RAD51B: variants seen among roughly 807,000 people sequenced by gnomAD.
RAD51B encodes RAD51 paralog B.
Under a neutral mutation model 42.2 loss-of-function variants are expected in RAD51B, and 38 were observed. The ratio of observed to expected loss-of-function variants is 0.90; its 90% CI spans 0.70 to 1.18. The LOEUF is 1.18. RAD51B is among the 50% of genes most tolerant of loss of function. RAD51B has a pLI of 0.00. For synonymous variants in RAD51B, 154 were observed against 145.2 expected (o/e 1.06, Z -0.43); for missense variants, 373 against 400.7 (o/e 0.93, Z 0.59).
rs1005376200 is a variant in RAD51B at position 68,464,867 on chromosome 14, C to T, written c.958-3305C>T. Among the ~76,000 whole-genome samples, 7 of 152,186 alleles carry T rather than the reference C, an allele frequency of 4.6e-5. No homozygotes were observed. The South Asian group carries it at 1.4e-3, about 32-fold the overall frequency. Reference sequence around the variant, plus strand: ...ATCCTTTTGATGACTCATTATAAATCCTGCTCCAGAAGGACAGTGCATTAA... The same window carrying T: ...ATCCTTTTGATGACTCATTATAAATTCTGCTCCAGAAGGACAGTGCATTAA... On this transcript the variant is annotated intron_variant, in intron 9 of 10. Transcript: ENST00000471583.
At chr14:68,309,491 A>G (rs8003738) in intron 8 of RAD51B, among the ~76,000 whole-genome samples, 130,566 of 152,186 alleles carry the variant, frequency 0.86, 56,489 homozygotes, top group East Asian at 0.99. Flanking sequence ...GGTAGAGAAA[A>G]GTGAAGGGCA....
intron 8 of RAD51B, among the ~76,000 whole-genome samples, chr14:68,391,213 C>T (rs1201008668): frequency 1.4e-5 from 2 of 143,670 alleles, no homozygotes; most frequent in African/African-American, 5.3e-5. Context: ...TTTCATGTAG[C>T]ATTTCTTTTT....
chr14:68,194,132 A>G (rs968306941), intron 7 of RAD51B, among the ~76,000 whole-genome samples: 3 of 152,252 alleles, frequency 2.0e-5, no homozygotes, highest in Admixed American at 6.5e-5. Flanking sequence ...TTTCAACATC[A>G]TAGTTGCAAG....
intron 5 of RAD51B, among the ~76,000 whole-genome samples, chr14:67,870,713 G>T (rs1400985085): frequency 1.9e-5 from 2 of 103,986 alleles, no homozygotes; most frequent in African/African-American, 4.4e-5. Flanking sequence ...AAATGTAAAA[G>T]AACAGAAATT....
chr14:68,544,368 T>A (rs1394760429), intron 10 of RAD51B, among the ~76,000 whole-genome samples: 1 of 152,188 alleles, frequency 6.6e-6, no homozygotes, highest in Non-Finnish European at 1.5e-5. Context: ...TCCTTGGAAA[T>A]CTCTTGCCTC....
chr14:68,342,300 T>C (rs528256964), intron 8 of RAD51B, among the ~76,000 whole-genome samples: 8 of 152,336 alleles, frequency 5.3e-5, no homozygotes, highest in African/African-American at 1.9e-4. Context: ...AAAAATTTAC[T>C]AGTCAAGGGC....
chr14:68,434,693 G>A (rs573082656), intron 9 of RAD51B, among the ~76,000 whole-genome samples: 22 of 152,124 alleles, frequency 1.4e-4, no homozygotes, highest in Admixed American at 7.2e-4. Flanking sequence ...TGCACTTCCC[G>A]GGTGAGGCGA....
intron 9 of RAD51B, among the ~76,000 whole-genome samples, chr14:68,419,693 C>T (rs1594809126): frequency 6.6e-6 from 1 of 152,224 alleles, no homozygotes; most frequent in African/African-American, 2.4e-5. Context: ...TCCCCATCTT[C>T]ATAGGCTAAA....
chr14:68,171,758 G>A (rs2078876506), intron 7 of RAD51B, among the ~76,000 whole-genome samples: 1 of 151,690 alleles, frequency 6.6e-6, no homozygotes, highest in African/African-American at 2.4e-5. Flanking sequence ...CCAGGCTGGA[G>A]TGCAATGGGG....
intron 10 of RAD51B, among the ~76,000 whole-genome samples, chr14:68,617,340 C>T (rs1170849939): frequency 6.6e-6 from 1 of 152,118 alleles, no homozygotes; most frequent in Non-Finnish European, 1.5e-5. Context: ...TGCATATGAA[C>T]CTCATTGGAT....
chr14:68,411,650 G>A (rs1238146069), intron 9 of RAD51B, 123 bp downstream of exon 9: 13 of 832,904 alleles, frequency 1.6e-5, no homozygotes, highest in East Asian at 2.7e-5. Context: ...AGCTATTAGG[G>A]CCTAAAGAAA....
intron 9 of RAD51B, among the ~76,000 whole-genome samples, chr14:68,442,435 CTTTTTTTTTTTTT>C (rs774360651): frequency 1.4e-3 from 98 of 68,404 alleles, no homozygotes; most frequent in Non-Finnish European, 4.4e-4. Flanking sequence ...AGGCATTGTG[CTTTTTTTTTTTTT>C]TTTTTTTTTT....
intron 8 of RAD51B, among the ~76,000 whole-genome samples, chr14:68,403,608 C>A (rs1015911563): frequency 1.1e-4 from 16 of 152,284 alleles, no homozygotes; most frequent in African/African-American, 3.8e-4. Context: ...GGGCTACACC[C>A]CATGTATACA....
chr14:68,298,786 T>A (rs1348071702), intron 8 of RAD51B, among the ~76,000 whole-genome samples: 1 of 152,108 alleles, frequency 6.6e-6, no homozygotes, highest in Non-Finnish European at 1.5e-5. Context: ...TTGTTTTCCA[T>A]CACTGCAGAG....
chr14:68,434,681 C>G (rs1333147206), intron 9 of RAD51B, among the ~76,000 whole-genome samples: 2 of 152,192 alleles, frequency 1.3e-5, no homozygotes, highest in Admixed American at 1.3e-4. Flanking sequence ...TCCCTGACCC[C>G]TTGCACTTCC....
intron 10 of RAD51B, among the ~76,000 whole-genome samples, chr14:68,531,471 G>T (rs1887300794): frequency 3.9e-5 from 6 of 152,010 alleles, no homozygotes. Context: ...TAAGGCAAAT[G>T]GAATCTTGGG....
At chr14:68,168,013 C>G (rs2078788547) in intron 7 of RAD51B, among the ~76,000 whole-genome samples, 2 of 152,046 alleles carry the variant, frequency 1.3e-5, no homozygotes, top group Admixed American at 1.3e-4. Flanking sequence ...GTGATTTGGA[C>G]TACTCTGATA....
chr14:67,858,540 A>C (rs749699675), intron 4 of RAD51B, among the ~76,000 whole-genome samples: 3 of 152,194 alleles, frequency 2.0e-5, no homozygotes, highest in Non-Finnish European at 4.4e-5. Flanking sequence ...ATTATGCAAA[A>C]AATTTTAAAG....
At chr14:68,077,094 G>A (rs1399238884) in intron 7 of RAD51B, among the ~76,000 whole-genome samples, 1 of 152,318 alleles carries the variant, frequency 6.6e-6, no homozygotes, top group East Asian at 1.9e-4. Flanking sequence ...CAGCAACAGG[G>A]TTAAAATGGT....
Sources: gnomAD v4.1 joint callset for allele counts (sites outside exome capture counted in the v4.1 genomes callset) on GRCh38, gnomAD v4.1.1 for gene constraint, MANE v1.5 for transcripts, NCBI Gene and HGNC (gene_info 2026-07-23, HGNC 2026-07-21) for gene names.